CHRD: variants seen among roughly 807,000 people sequenced by gnomAD.
CHRD encodes the protein chordin.
In CHRD, 69 loss-of-function variants were observed where a neutral mutation model predicts 113.7. That is an observed-to-expected ratio of 0.61 (90% CI 0.50 to 0.74). The LOEUF is 0.74. Ranked by LOEUF, CHRD falls within the 30% of genes least tolerant of loss-of-function variation. The pLI, the probability that CHRD is intolerant of heterozygous loss-of-function variation, is 0.00. For missense variants in CHRD, 1,194 were observed against 1,295.8 expected (o/e 0.92, Z 1.21); for synonymous variants, 561 against 540.8 (o/e 1.04, Z -0.52).
In CHRD at chr3:184,388,247, C is replaced by T. The variant is rs3749227; in HGVS notation, c.2554+214C>T. Among the ~76,000 whole-genome samples the T allele has an allele frequency of 0.013, 1,665 of 130,482 alleles. 27 individuals carry two copies. The highest frequency in any genetic ancestry group is 0.044 in the African/African-American group (1,484 of 34,104). 85.6% of individuals were successfully genotyped at this position (130,482 alleles called of 152,430 possible). On this transcript the variant is annotated intron_variant, in intron 20 of 22. Coordinates refer to ENST00000204604, the Ensembl canonical transcript of CHRD. This position sits in a 1 kb window ranked among gnomAD's most constrained non-coding sequence, Gnocchi z 6.1. ...CTGCTCCATCCATCCGTCCATCCAT[C>T]CATCCATCCATCCATCCATCCATCC...
In CHRD at chr3:184,388,782, A is replaced by G. The variant is rs2108663989; in HGVS notation, c.2709+41A>G. 6.2e-7 allele frequency: 1 copy of G among 1,611,090 alleles called. No homozygotes were observed. Among genetic ancestry groups the G allele is most frequent in the South Asian group, 1.1e-5 (1 of 90,810 alleles). On this transcript the variant is annotated intron_variant, in intron 21 of 22. Transcript: ENST00000204604. This position sits in a 1 kb window ranked among gnomAD's most constrained non-coding sequence, Gnocchi z 6.1. ...AGGCTTGTGTGAGGTGGGTACTGGGAGCCTGGTCTGGAGTAGGGAGACCTT... is the reference window on the plus strand; with the variant it reads ...AGGCTTGTGTGAGGTGGGTACTGGGGGCCTGGTCTGGAGTAGGGAGACCTT...
chr3:184,387,786 C>A lies in CHRD; in HGVS notation c.2452-145C>A. On this transcript the variant is annotated intron_variant, in intron 19 of 22. Coordinates refer to ENST00000204604, the Ensembl canonical transcript of CHRD. The surrounding 1 kb of genome is among the most constrained non-coding windows in gnomAD (Gnocchi z 6.1). ...TACCTTGCAGGGTTCTGATGAGGAG[C>A]TGAGTTTAGGTCTATAAAGCCAGTC... 1.4e-6 allele frequency: 1 copy of A among 724,022 alleles called. No individual in the cohort carries two copies. The highest frequency in any genetic ancestry group is 2.3e-6 in the Non-Finnish European group (1 of 426,942). The allele number at this position is 724,022 out of a possible 1,614,324, so 44.8% of individuals were successfully genotyped here.
rs146218712 is a variant in CHRD, at chr3:184,385,146, G to A, written c.1726G>A (p.Gly576Ser). The A allele has an allele frequency of 2.6e-4, 413 of 1,614,028 alleles. 4 individuals are homozygous for A. In the South Asian group the frequency reaches 2.9e-3, roughly 11 times the overall value. Residue 576 changes from glycine to serine, a missense_variant, in exon 14 of 23, where the codon GGC (glycine) becomes AGC (serine). By Grantham distance (56) the Gly-to-Ser change is moderately conservative. Transcript: ENST00000204604. The stretch of plus-strand genomic sequence containing the variant: ...TGAAGTGCTGCTGGCTGGGCTTGGT[G>A]GCTCAGAACAAGGCACTGTCACTGC...
In CHRD at chr3:184,388,071, G is replaced by C. The variant is rs980009574; in HGVS notation, c.2554+38G>C. 2.6e-6 allele frequency: 4 copies of C among 1,565,154 alleles called. No individual in the cohort carries two copies. The highest frequency in any genetic ancestry group is 3.5e-6 in the Non-Finnish European group (4 of 1,142,060). On this transcript the variant is annotated intron_variant, in intron 20 of 22. Coordinates refer to ENST00000204604, the Ensembl canonical transcript of CHRD. The surrounding 1 kb of genome is among the most constrained non-coding windows in gnomAD (Gnocchi z 6.1). ...GCTGAGCACTGAGGCCTCACCTTTG[G>C]GTTGAGGCAGGCTTTGTCCTGGGTG...
At chr3:184,386,576 G>T in exon 16 of CHRD, 1 of 1,580,312 alleles carries the variant, frequency 6.3e-7, no homozygotes. Flanking sequence ...GGGGGCTCCG[G>T]ATACAGCCTC....
chr3:184,381,976 A>G lies in CHRD; in HGVS notation c.655A>G (p.Ser219Gly). ...GATCCGCTTCTCAGACTCCAATGGC[A>G]GTGTCCTGTTTGAGCACCCTGCAGC... is the stretch of plus-strand genomic sequence containing the variant. Residue 219 changes from serine (S) to glycine (G), a missense_variant, in exon 6 of 23, where the codon AGT (serine) becomes GGT (glycine). Ser to Gly is a moderately conservative substitution (Grantham distance 56). Coordinates refer to ENST00000204604, the Ensembl canonical transcript of CHRD. This position sits in a 1 kb window ranked among gnomAD's most constrained non-coding sequence, Gnocchi z 4.7. The G allele has an allele frequency of 6.2e-7, 1 of 1,614,154 alleles. No homozygotes were observed. Among genetic ancestry groups the G allele is most frequent in the African/African-American group, 1.3e-5 (1 of 75,068 alleles).
At position 184,384,093 on chromosome 3, in the gene CHRD, G is replaced by A. The variant is rs534918894; in HGVS notation, c.1441-444G>A. On this transcript the variant is annotated intron_variant, in intron 12 of 22. Coordinates refer to ENST00000204604, the Ensembl canonical transcript of CHRD. This position sits in a 1 kb window ranked among gnomAD's most constrained non-coding sequence, Gnocchi z 4.4. ...CCCGGCATGATTTGACATTTTTAGT[G>A]AGCCCCAGACTAGGGACTAGAGTAC... Among the ~76,000 whole-genome samples the A allele has an allele frequency of 1.3e-5, 2 of 152,190 alleles. No homozygotes were observed. The highest frequency in any genetic ancestry group is 4.2e-4 in the South Asian group (2 of 4,816).
At chr3:184,383,736 C>A in intron 12 of CHRD, 94 bp downstream of exon 12, 18 of 1,116,274 alleles carry the variant, frequency 1.6e-5, no homozygotes, top group Non-Finnish European at 2.0e-5. Context: ...ATCATCCACT[C>A]ACTCATGGGT....
At chr3:184,383,189 G>T (rs373117311) in intron 10 of CHRD, 26 bp downstream of exon 10, 6 of 1,591,472 alleles carry the variant, frequency 3.8e-6, no homozygotes, top group South Asian at 1.1e-5. Context: ...GGCCTGGTGC[G>T]CCGGGCATGC....
chr3:184,387,556 G>T lies in CHRD; in HGVS notation c.2451+79G>T. On this transcript the variant is annotated intron_variant, in intron 19 of 22. Coordinates refer to ENST00000204604, the Ensembl canonical transcript of CHRD. This position sits in a 1 kb window ranked among gnomAD's most constrained non-coding sequence, Gnocchi z 6.1. Reference sequence around the variant, plus strand: ...GGGGAGGGGCTGCCAGGTGAGGAAGGCCCGTCCTTGGTGAGGAGGGCTCAA... The same window carrying T: ...GGGGAGGGGCTGCCAGGTGAGGAAGTCCCGTCCTTGGTGAGGAGGGCTCAA... 1 of 1,324,330 alleles carries T rather than the reference G, an allele frequency of 7.6e-7. No homozygotes were observed. Among genetic ancestry groups the T allele is most frequent in the Non-Finnish European group, 1.0e-6 (1 of 977,006 alleles). The allele number at this position is 1,324,330 out of a possible 1,614,324, so 82.0% of individuals were successfully genotyped here.
Position 184,382,836 on chromosome 3 carries a change from C to T in CHRD, c.983-20C>T, listed in dbSNP as rs758545803. 2.5e-6 allele frequency: 4 copies of T among 1,612,418 alleles called. No homozygotes were observed. Among genetic ancestry groups the T allele is most frequent in the Admixed American group, 1.7e-5 (1 of 59,916 alleles). On this transcript the variant is annotated intron_variant, in intron 8 of 22. Transcript: ENST00000204604. ...GGGAGAGCACCTGTCTCAGAAAGGC[C>T]CACATGTGCGGCCTTGCAGGACTAA...
Position 184,384,874 on chromosome 3 carries a change from A to G in CHRD, c.1598-144A>G. The G allele has an allele frequency of 8.3e-7, 1 of 1,203,534 alleles. No homozygotes were observed. Among genetic ancestry groups the G allele is most frequent in the Non-Finnish European group, 1.2e-6 (1 of 853,340 alleles). The allele number at this position is 1,203,534 out of a possible 1,614,324, so 74.6% of individuals were successfully genotyped here. On this transcript the variant is annotated intron_variant, in intron 13 of 22. Transcript: ENST00000204604. This position sits in a 1 kb window ranked among gnomAD's most constrained non-coding sequence, Gnocchi z 4.4. ...TCCTGTTGCTGAGGTTCAAGGGTCT[A>G]AAACTTGCTGCTCTCCAGGCCCTGG...
intron 6 of CHRD, 143 bp downstream of exon 6, chr3:184,382,163 CTG>C: frequency 1.6e-6 from 2 of 1,271,776 alleles, no homozygotes; most frequent in Non-Finnish European, 2.2e-6. Context: ...GAAGGGGGAA[CTG>C]AGGCTCAGTA....
chr3:184,384,883 T>C lies in CHRD; in HGVS notation c.1598-135T>C, dbSNP rs1184039734. 1.7e-6 allele frequency: 2 copies of C among 1,206,614 alleles called. No individual in the cohort carries two copies. Among genetic ancestry groups the C allele is most frequent in the Non-Finnish European group, 2.3e-6 (2 of 854,492 alleles). The allele number at this position is 1,206,614 out of a possible 1,614,324, so 74.7% of individuals were successfully genotyped here. Reference sequence around the variant, plus strand: ...TGAGGTTCAAGGGTCTAAAACTTGCTGCTCTCCAGGCCCTGGACCTATGGA... The same window carrying C: ...TGAGGTTCAAGGGTCTAAAACTTGCCGCTCTCCAGGCCCTGGACCTATGGA... On this transcript the variant is annotated intron_variant, in intron 13 of 22. Transcript: ENST00000204604. The surrounding 1 kb of genome is among the most constrained non-coding windows in gnomAD (Gnocchi z 4.4).
Position 184,380,984 on chromosome 3 carries a change from G to A in CHRD, c.252+189G>A. The A allele has an allele frequency of 1.4e-6, 1 of 733,444 alleles. No homozygotes were observed. The highest frequency in any genetic ancestry group is 2.7e-5 in the East Asian group (1 of 37,394). The allele number at this position is 733,444 out of a possible 1,614,324, so 45.4% of individuals were successfully genotyped here. ...CTGTTACTGATCGCCCACTCTGTGTGAGGCTCTGTGCCAACTCCGTTTCGT... is the reference window on the plus strand; with the variant it reads ...CTGTTACTGATCGCCCACTCTGTGTAAGGCTCTGTGCCAACTCCGTTTCGT... On this transcript the variant is annotated intron_variant, in intron 2 of 22. Transcript: ENST00000204604. The surrounding 1 kb of genome is among the most constrained non-coding windows in gnomAD (Gnocchi z 6.3).
Position 184,387,419 on chromosome 3 carries a change from G to T in CHRD, c.2393G>T (p.Arg798Leu). 6.2e-7 allele frequency: 1 copy of T among 1,613,060 alleles called. No homozygotes were observed. Among genetic ancestry groups the T allele is most frequent in the Non-Finnish European group, 8.5e-7 (1 of 1,179,656 alleles). Reference sequence around the variant, plus strand: ...CGGAGCTGGCGGGCAGCGGGTACGCGGTGGCACCCCGTTGTGCCCCCCTTT... The same window carrying T: ...CGGAGCTGGCGGGCAGCGGGTACGCTGTGGCACCCCGTTGTGCCCCCCTTT... The change falls in exon 19 of 23, where the codon CGG becomes CTG. Residue 798 changes from arginine to leucine, a missense_variant. Physicochemically the swap from Arg to Leu is moderately radical, Grantham distance 102. Coordinates refer to ENST00000204604, the Ensembl canonical transcript of CHRD. This position sits in a 1 kb window ranked among gnomAD's most constrained non-coding sequence, Gnocchi z 6.1.
Position 184,388,934 on chromosome 3 carries a change from A to T in CHRD, c.2751A>T (p.Pro917=). 6.2e-7 allele frequency: 1 copy of T among 1,613,402 alleles called. No homozygotes were observed. Among genetic ancestry groups the T allele is most frequent in the Non-Finnish European group, 8.5e-7 (1 of 1,180,008 alleles). The change falls in exon 22 of 23, where the codon CCA becomes CCT. Residue 917 remains proline, a synonymous_variant. Coordinates refer to ENST00000204604, the Ensembl canonical transcript of CHRD. This position sits in a 1 kb window ranked among gnomAD's most constrained non-coding sequence, Gnocchi z 6.1. ...GTGAGCGGGATGACTGTTCACTGCC[A>T]CTGTCCTGTGGCTCGGGGAAGGAGA...
At chr3:184,386,795 G>A (rs369132383) in intron 16 of CHRD, 40 bp downstream of exon 16, 1 of 1,613,646 alleles carries the variant, frequency 6.2e-7, no homozygotes, top group African/African-American at 1.3e-5. Flanking sequence ...CCTGGGATCT[G>A]GAGCAAGGGG....
Position 184,388,627 on chromosome 3 carries a change from G to A in CHRD, c.2595G>A (p.Gln865=), listed in dbSNP as rs576164393. The A allele has an allele frequency of 5.0e-6, 8 of 1,613,224 alleles. No homozygotes were observed. The East Asian group carries it at 1.8e-4, about 36-fold the overall frequency. Reference sequence around the variant, plus strand: ...ACCCCCAGCTGGGGGACCCCATGCAGGCTGATGGGCCCCGGGGCTGCCGTT... The same window carrying A: ...ACCCCCAGCTGGGGGACCCCATGCAAGCTGATGGGCCCCGGGGCTGCCGTT... The change falls in exon 21 of 23, where the codon CAG becomes CAA. Residue 865 remains glutamine (Q), a synonymous_variant. Coordinates refer to ENST00000204604, the Ensembl canonical transcript of CHRD. The surrounding 1 kb of genome is among the most constrained non-coding windows in gnomAD (Gnocchi z 6.1).
Sources: allele counts gnomAD v4.1 joint callset (sites outside exome capture counted in the v4.1 genomes callset), GRCh38; gene constraint gnomAD v4.1.1; non-coding constraint Gnocchi (gnomAD v3.1); transcripts MANE v1.5; gene names NCBI Gene and HGNC (gene_info 2026-07-23, HGNC 2026-07-21).